The following CCDC148 variants were observed in gnomAD, a reference collection of about 807,000 sequenced individuals.
The protein encoded by CCDC148 is coiled-coil domain-containing protein 148.
In CCDC148, 89 loss-of-function variants were observed where a neutral mutation model predicts 85.7. The ratio of observed to expected loss-of-function variants is 1.04; its 90% CI spans 0.87 to 1.24. The LOEUF (loss-of-function observed/expected upper bound fraction) is 1.24, where lower values mean the gene tolerates loss of function less well. Among genes scored for constraint, CCDC148 ranks in the 50% most tolerant of loss-of-function variants. The probability of loss-of-function intolerance (pLI) is 0.00; values close to 1 mark genes in which losing one functional copy is unlikely to be tolerated. For synonymous variants in CCDC148, 230 were observed against 213.9 expected (o/e 1.08, Z -0.66); for missense variants, 692 against 671.7 (o/e 1.03, Z -0.33).
Position 158,397,516 on chromosome 2 carries a change from T to A in CCDC148, c.26-38946A>T, listed in dbSNP as rs1446301029. Among the ~76,000 whole-genome samples, 2 of 152,126 alleles carry A rather than the reference T, an allele frequency of 1.3e-5. 1 individual carries two copies. Among genetic ancestry groups the A allele is most frequent in the Non-Finnish European group, 2.9e-5 (2 of 68,012 alleles). On this transcript the variant is annotated intron_variant, in intron 1 of 13. Transcript: ENST00000283233. ...AGAATTTTCAACCCAGAATTTCATA[T>A]CCAGCCAAACTAAGTTTCATAAGTG...
intron 3 of CCDC148, among the ~76,000 whole-genome samples, chr2:158,344,255 A>T (rs1682884933): frequency 6.6e-6 from 1 of 152,150 alleles, no homozygotes. Flanking sequence ...ATTGTATTTA[A>T]AGTAGCTGTA....
At chr2:158,189,705 A>G (rs548870000) in intron 11 of CCDC148, among the ~76,000 whole-genome samples, 6 of 151,952 alleles carry the variant, frequency 3.9e-5, no homozygotes, top group Non-Finnish European at 8.8e-5. Flanking sequence ...ACCTTTCCAT[A>G]AGCAAGCAAG....
At chr2:158,444,354 C>T (rs991117789) in intron 1 of CCDC148, among the ~76,000 whole-genome samples, 13 of 152,038 alleles carry the variant, frequency 8.6e-5, no homozygotes, top group African/African-American at 2.9e-4. Context: ...TAAGATTCCT[C>T]TAGTCCTAAA....
At chr2:158,400,961 C>A (rs1685754182) in intron 1 of CCDC148, among the ~76,000 whole-genome samples, 2 of 152,310 alleles carry the variant, frequency 1.3e-5, no homozygotes, top group South Asian at 4.1e-4. Context: ...TGCTCATCAT[C>A]CCTGGTCATC....
intron 9 of CCDC148, among the ~76,000 whole-genome samples, chr2:158,300,983 T>C (rs1193561987): frequency 6.6e-6 from 1 of 152,092 alleles, no homozygotes; most frequent in African/African-American, 2.4e-5. Flanking sequence ...ACCTCCTGAG[T>C]AGCTAGAACT....
At chr2:158,284,511 G>T (rs1230701985) in intron 9 of CCDC148, among the ~76,000 whole-genome samples, 1 of 152,170 alleles carries the variant, frequency 6.6e-6, no homozygotes, top group Non-Finnish European at 1.5e-5. Flanking sequence ...TAAGCACTGG[G>T]GCATTCACCA....
intron 7 of CCDC148, among the ~76,000 whole-genome samples, chr2:158,332,022 G>A (rs1479934369): frequency 3.3e-5 from 5 of 152,128 alleles, no homozygotes; most frequent in African/African-American, 9.7e-5. Flanking sequence ...GATTAATATT[G>A]TTATGTGTGA....
chr2:158,403,051 T>C (rs1685851880), intron 1 of CCDC148, among the ~76,000 whole-genome samples: 1 of 152,088 alleles, frequency 6.6e-6, no homozygotes, highest in Admixed American at 6.6e-5. Context: ...AGAAAGAGTT[T>C]CTTGGGCAAG....
At chr2:158,454,548 G>T (rs1688526149) in intron 1 of CCDC148, among the ~76,000 whole-genome samples, 1 of 152,240 alleles carries the variant, frequency 6.6e-6, no homozygotes, top group South Asian at 2.1e-4. Context: ...GGATCCTTCA[G>T]TAGAGTACGA....
chr2:158,251,545 G>C (rs902260361), intron 9 of CCDC148, among the ~76,000 whole-genome samples: 1 of 151,748 alleles, frequency 6.6e-6, no homozygotes, highest in Non-Finnish European at 1.5e-5. Flanking sequence ...TTAAAGAGAA[G>C]ACAATTAACT....
Position 158,316,716 on chromosome 2 carries a change from C to T in CCDC148, c.765-2822G>A, listed in dbSNP as rs1317553317. Among the ~76,000 whole-genome samples the T allele has an allele frequency of 2.0e-5, 3 of 152,094 alleles. No homozygotes were observed. The East Asian group carries it at 5.8e-4, about 29-fold the overall frequency. On this transcript the variant is annotated intron_variant, in intron 7 of 13. Transcript: ENST00000283233. ...ACATAGGCAGTAATAATGAAACAGC[C>T]CTGCATCTCCATTAGAATGCTGCAT...
At position 158,173,993 on chromosome 2, in the gene CCDC148, T is replaced by G. The variant is rs557602600; in HGVS notation, c.1630-1734A>C. 7.2e-5 allele frequency among the ~76,000 whole-genome samples: 11 copies of G among 152,180 alleles called. No homozygotes were observed. The East Asian group carries it at 1.9e-3, about 27-fold the overall frequency. Reference sequence around the variant, plus strand: ...CCCCACAGGCAGCCCATCAGTTTCTTGTAAATATGTACTAGATATTTTTAC... The same window carrying G: ...CCCCACAGGCAGCCCATCAGTTTCTGGTAAATATGTACTAGATATTTTTAC... On this transcript the variant is annotated intron_variant, in intron 13 of 13. Coordinates refer to ENST00000283233, the MANE Select transcript of CCDC148 (RefSeq NM_138803.4).
intron 2 of CCDC148, among the ~76,000 whole-genome samples, chr2:158,347,459 A>C (rs1375073295): frequency 6.6e-6 from 1 of 152,132 alleles, no homozygotes; most frequent in Non-Finnish European, 1.5e-5. Flanking sequence ...TGAAAAAAAA[A>C]AGTCTTAAAA....
intron 9 of CCDC148, among the ~76,000 whole-genome samples, chr2:158,294,746 C>T (rs994304461): frequency 6.7e-6 from 1 of 150,000 alleles, no homozygotes; most frequent in African/African-American, 2.5e-5. Context: ...ATTGCTTGAA[C>T]CTAGGAAGCA....
intron 1 of CCDC148, among the ~76,000 whole-genome samples, chr2:158,394,901 T>G (rs1685460814): frequency 6.6e-6 from 1 of 152,104 alleles, no homozygotes; most frequent in African/African-American, 2.4e-5. Flanking sequence ...AGTTATCTTA[T>G]TATAAAAAAT....
rs1682620831 is a variant in CCDC148, at chr2:158,340,405, C to A, written c.335-12G>T. 6.2e-7 allele frequency: 1 copy of A among 1,611,076 alleles called. No individual in the cohort carries two copies. Among genetic ancestry groups the A allele is most frequent in the Non-Finnish European group, 8.5e-7 (1 of 1,178,614 alleles). ...TGATAGCTCTTGCTCTATGGTGAAACAAAATTGAATTAAAGGAACACATTA... is the reference window on the plus strand; with the variant it reads ...TGATAGCTCTTGCTCTATGGTGAAAAAAAATTGAATTAAAGGAACACATTA... On this transcript the variant is annotated splice_polypyrimidine_tract_variant and intron_variant, in intron 4 of 13. Transcript: ENST00000283233.
intron 7 of CCDC148, among the ~76,000 whole-genome samples, chr2:158,335,124 G>A (rs1216871878): frequency 3.3e-5 from 5 of 152,150 alleles, no homozygotes; most frequent in African/African-American, 1.2e-4. Flanking sequence ...CACTAGCTCA[G>A]TTTCTCCAGG....
intron 11 of CCDC148, among the ~76,000 whole-genome samples, chr2:158,180,086 G>A (rs1055922215): frequency 3.9e-5 from 6 of 152,130 alleles, no homozygotes; most frequent in African/African-American, 1.2e-4. Flanking sequence ...TCTCAGGGGA[G>A]TATTAGCTCT....
intron 1 of CCDC148, among the ~76,000 whole-genome samples, chr2:158,406,311 G>GTT (rs1474629991): frequency 6.6e-6 from 1 of 152,110 alleles, no homozygotes; most frequent in African/African-American, 2.4e-5. Flanking sequence ...GGTTAACACA[G>GTT]TTAACACAGA....
Sources: allele counts gnomAD v4.1 joint callset (sites outside exome capture counted in the v4.1 genomes callset), GRCh38; gene constraint gnomAD v4.1.1; transcripts MANE v1.5; gene names NCBI Gene and HGNC (gene_info 2026-07-23, HGNC 2026-07-21).